The following MACROD2 variants were observed in gnomAD, a reference collection of about 807,000 sequenced individuals.
MACROD2 encodes the protein ADP-ribose glycohydrolase MACROD2.
In MACROD2, 36 loss-of-function variants were observed where a neutral mutation model predicts 70.4. That is an observed-to-expected ratio of 0.51 (90% CI 0.39 to 0.68). The LOEUF is 0.68. Among genes scored for constraint, MACROD2 ranks in the 30% least tolerant of loss-of-function variants. The pLI, the probability that MACROD2 is intolerant of heterozygous loss-of-function variation, is 0.00. For synonymous variants in MACROD2, 172 were observed against 178.8 expected (o/e 0.96, Z 0.30); for missense variants, 496 against 538.4 (o/e 0.92, Z 0.78).
intron 3 of MACROD2, among the ~76,000 whole-genome samples, chr20:14,226,920 C>T (rs973005316): frequency 6.6e-6 from 1 of 152,234 alleles, no homozygotes; most frequent in Non-Finnish European, 1.5e-5. Flanking sequence ...GCAGGCATCT[C>T]CACCTGCAGC....
intron 4 of MACROD2, among the ~76,000 whole-genome samples, chr20:14,626,195 G>A (rs1233693676): frequency 2.0e-5 from 3 of 152,100 alleles, no homozygotes; most frequent in African/African-American, 7.2e-5. Flanking sequence ...TACAGCAAGG[G>A]TAGTTGTGGG....
intron 5 of MACROD2, among the ~76,000 whole-genome samples, chr20:15,199,762 G>T (rs2076639685): frequency 6.6e-6 from 1 of 152,242 alleles, no homozygotes; most frequent in Admixed American, 6.5e-5. Context: ...TTTTACCTCT[G>T]TTTCTGTGTT....
At chr20:14,304,395 A>C (rs1601454626) in intron 3 of MACROD2, among the ~76,000 whole-genome samples, 2 of 152,226 alleles carry the variant, frequency 1.3e-5, no homozygotes, top group South Asian at 2.1e-4. Context: ...TGAATGTCTA[A>C]TGAAGCCAAC....
intron 5 of MACROD2, among the ~76,000 whole-genome samples, chr20:14,763,537 CAAG>C (rs1312275740): frequency 5.3e-5 from 8 of 152,002 alleles, no homozygotes; most frequent in Admixed American, 5.2e-4. Flanking sequence ...AAATCTGTAT[CAAG>C]GAGGTGGCAA....
chr20:14,261,261 A>C (rs1035163192), intron 3 of MACROD2, among the ~76,000 whole-genome samples: 4 of 87,514 alleles, frequency 4.6e-5, no homozygotes, highest in African/African-American at 1.2e-4. Context: ...CAGTAAGTGA[A>C]GTTTTTTTAT....
intron 15 of MACROD2, among the ~76,000 whole-genome samples, chr20:16,001,750 T>C (rs2066712421): frequency 6.6e-6 from 1 of 152,190 alleles, no homozygotes. Flanking sequence ...CTTCATCTGT[T>C]CTTTTGTTTC....
At chr20:15,353,908 T>G (rs1428100106) in intron 6 of MACROD2, among the ~76,000 whole-genome samples, 2 of 131,326 alleles carry the variant, frequency 1.5e-5, no homozygotes, top group African/African-American at 2.9e-5. Context: ...GGTGGGACTG[T>G]AAACTAGTTC....
intron 3 of MACROD2, among the ~76,000 whole-genome samples, chr20:14,246,278 A>G (rs1382951721): frequency 2.0e-5 from 3 of 152,224 alleles, no homozygotes; most frequent in Non-Finnish European, 4.4e-5. Context: ...GAGGACAATC[A>G]GGATATCATC....
chr20:14,096,537 T>C (rs1413912879), intron 3 of MACROD2, among the ~76,000 whole-genome samples: 2 of 151,952 alleles, frequency 1.3e-5, no homozygotes, highest in South Asian at 2.1e-4. Context: ...TGGCTAACTT[T>C]TTTGTATTTT....
At chr20:15,986,850 A>T in intron 14 of MACROD2, 49 bp downstream of exon 14, 1 of 1,424,608 alleles carries the variant, frequency 7.0e-7, no homozygotes, top group Non-Finnish European at 9.9e-7. Context: ...TGAAACTGTG[A>T]ATCATGACTT....
intron 8 of MACROD2, among the ~76,000 whole-genome samples, chr20:15,566,212 G>A (rs929628835): frequency 2.0e-5 from 3 of 152,164 alleles, no homozygotes; most frequent in East Asian, 1.9e-4. Flanking sequence ...GGCTGGGCAC[G>A]GTGGCTCATG....
At chr20:14,401,692 T>C (rs2083639448) in intron 3 of MACROD2, among the ~76,000 whole-genome samples, 1 of 152,192 alleles carries the variant, frequency 6.6e-6, no homozygotes, top group Admixed American at 6.5e-5. Flanking sequence ...ATGGATGTCA[T>C]TGTGAAAAGG....
intron 6 of MACROD2, among the ~76,000 whole-genome samples, chr20:15,341,739 A>C (rs1278393666): frequency 1.3e-5 from 2 of 152,196 alleles, no homozygotes; most frequent in African/African-American, 4.8e-5. Flanking sequence ...AAAGAAGTAA[A>C]AGTAGATACA....
intron 8 of MACROD2, among the ~76,000 whole-genome samples, chr20:15,674,794 G>C (rs1192643665): frequency 6.6e-6 from 1 of 151,388 alleles, no homozygotes; most frequent in African/African-American, 2.4e-5. Context: ...GAGGTATCAG[G>C]GATAAAAGAA....
intron 8 of MACROD2, among the ~76,000 whole-genome samples, chr20:15,673,461 A>G (rs992798650): frequency 6.6e-6 from 1 of 152,210 alleles, no homozygotes; most frequent in Non-Finnish European, 1.5e-5. Flanking sequence ...AACTCATGTC[A>G]GAAGTATGAA....
chr20:14,713,264 C>A (rs1275332501), intron 5 of MACROD2, among the ~76,000 whole-genome samples: 2 of 152,182 alleles, frequency 1.3e-5, no homozygotes, highest in Non-Finnish European at 2.9e-5. Context: ...TGTATCATAT[C>A]TTTACATACT....
At chr20:15,810,137 A>T (rs1349148021) in intron 8 of MACROD2, among the ~76,000 whole-genome samples, 1 of 150,766 alleles carries the variant, frequency 6.6e-6, no homozygotes, top group Non-Finnish European at 1.5e-5. Flanking sequence ...TCCTTGCGAT[A>T]GTTTGCTGAG....
chr20:15,935,229 A>G (rs944731432), intron 11 of MACROD2, among the ~76,000 whole-genome samples: 5 of 152,128 alleles, frequency 3.3e-5, no homozygotes, highest in African/African-American at 9.7e-5. Flanking sequence ...CAGCCCTTGA[A>G]TCTGATAGCG....
chr20:15,676,482 G>A (rs1242752752), intron 8 of MACROD2, among the ~76,000 whole-genome samples: 9 of 152,118 alleles, frequency 5.9e-5, no homozygotes, highest in Non-Finnish European at 1.5e-5. Context: ...TTTGCAGATT[G>A]GTCATATATT....
Sources: allele counts gnomAD v4.1 joint callset (sites outside exome capture counted in the v4.1 genomes callset), GRCh38; gene constraint gnomAD v4.1.1; transcripts MANE v1.5; gene names NCBI Gene and HGNC (gene_info 2026-07-23, HGNC 2026-07-21).